The following NIN variants were observed in gnomAD, a reference collection of about 807,000 sequenced individuals.
The protein encoded by NIN is glycogen synthase kinase 3 beta-interacting protein.
NIN carries 137 observed loss-of-function variants against 257.6 expected under a neutral mutation model. That is an observed-to-expected ratio of 0.53 (90% CI 0.46 to 0.61). The LOEUF (loss-of-function observed/expected upper bound fraction) is 0.61, where lower values mean the gene tolerates loss of function less well. Among genes scored for constraint, NIN ranks in the 20% least tolerant of loss-of-function variants. The pLI is 0.00. For missense variants in NIN, 2,439 were observed against 2,501.2 expected, an observed-to-expected ratio of 0.98 and a Z score of 0.53; for synonymous variants, 918 against 919.8, an observed-to-expected ratio of 1.00 and a Z score of 0.04.
chr14:50,727,671 T>C, intron 29 of NIN: 6 of 1,442,170 alleles, frequency 4.2e-6, no homozygotes, highest in Non-Finnish European at 5.6e-6. Context: ...AGAAATGCCA[T>C]CAATAGCAGC....
intron 17 of NIN, 80 bp from the exon 18 acceptor site, chr14:50,758,710 A>C (rs968691266): frequency 1.5e-6 from 2 of 1,333,700 alleles, no homozygotes; most frequent in Admixed American, 5.1e-5. Flanking sequence ...CCATGCACTG[A>C]GAAAGCTGCT....
intron 12 of NIN, among the ~76,000 whole-genome samples, chr14:50,768,052 AACACACACACACACACACACACAC>A (rs61028485): frequency 5.8e-5 from 8 of 139,068 alleles, no homozygotes; most frequent in African/African-American, 1.3e-4. Flanking sequence ...CACATTTGCC[AACACACACACACACACACACACAC>A]ACACACACAC....
chr14:50,748,703 A>G (rs1007749883), intron 21 of NIN, among the ~76,000 whole-genome samples: 4 of 152,252 alleles, frequency 2.6e-5, no homozygotes, highest in African/African-American at 2.4e-5. Flanking sequence ...GTGAACTTCC[A>G]TTCACAATTG....
intron 9 of NIN, 122 bp downstream of exon 9, chr14:50,772,179 G>C (rs951713914): frequency 1.1e-5 from 10 of 929,112 alleles, no homozygotes; most frequent in Non-Finnish European, 1.4e-5. Context: ...TTATCTTTGA[G>C]ACTTTGTGAA....
rs1456806079 is a variant in NIN at position 50,770,443 on chromosome 14, T to C, written c.1379A>G (p.Glu460Gly). 6.2e-7 allele frequency: 1 copy of C among 1,614,232 alleles called. No homozygotes were observed. The highest frequency in any genetic ancestry group is 1.3e-5 in the African/African-American group (1 of 75,050). The change falls in exon 12 of 31, where the codon GAA becomes GGA. Residue 460 changes from glutamate to glycine, a missense_variant. Glu to Gly is a moderately conservative substitution (Grantham distance 98, BLOSUM62 -2). This residue lies in a region of NIN where 2,043 missense variants were observed against 2,050.2 expected (regional missense o/e 1.00). Transcript: ENST00000530997. ...KQRLELEQEI[E>G]KAKTEENYIR... is the part of the protein sequence containing the mutation. ...ATAGTTCTCTTCTGTTTTTGCCTTT[T>C]CAATTTCCTGTTCAAGTTCTAAACG...
At chr14:50,739,549 A>G (rs1286489222) in intron 25 of NIN, 62 bp from the exon 26 acceptor site, 19 of 1,527,936 alleles carry the variant, frequency 1.2e-5, no homozygotes, top group Non-Finnish European at 1.6e-5. Flanking sequence ...CTGTTTTGAG[A>G]CAGGTGTCAT....
intron 17 of NIN, among the ~76,000 whole-genome samples, chr14:50,759,551 T>C (rs993087465): frequency 1.3e-5 from 2 of 151,784 alleles, no homozygotes; most frequent in African/African-American, 2.4e-5. Flanking sequence ...TGGAGTGCAG[T>C]AGCGCGATCT....
At position 50,758,526 on chromosome 14, in the gene NIN, C is replaced by G; in HGVS notation, c.2504G>C (p.Ser835Thr). Residue 835 changes from serine to threonine, a missense_variant, in exon 18 of 31, where the codon AGC (serine) becomes ACC (threonine). By Grantham distance (58) the Ser-to-Thr change is moderately conservative (BLOSUM62 1). Coordinates refer to ENST00000530997, the MANE Select transcript of NIN (RefSeq NM_020921.4). The stretch of plus-strand genomic sequence containing the variant: ...CTCTTGGCGGTAGCGCCCCTCCAGG[C>G]TTTGCAGAGCGCTTTCACACCTCTC... ...VTERCESALQ[S>T]LEGRYRQELK... is the part of the protein sequence containing the mutation. 1 of 1,614,186 alleles carries G rather than the reference C, an allele frequency of 6.2e-7. No homozygotes were observed. The highest frequency in any genetic ancestry group is 2.2e-5 in the East Asian group (1 of 44,882).
chr14:50,766,508 T>C (rs2042494329), intron 13 of NIN, 112 bp from the exon 14 acceptor site: 9 of 942,716 alleles, frequency 9.5e-6, no homozygotes, highest in Admixed American at 7.7e-5. Flanking sequence ...ATGATAGGAA[T>C]GTGACATGTA....
intron 20 of NIN, 77 bp from the exon 21 acceptor site, chr14:50,752,810 C>T: frequency 5.1e-6 from 4 of 778,014 alleles, no homozygotes; most frequent in Non-Finnish European, 8.1e-6. Flanking sequence ...GATTTAGAGA[C>T]ATAATTGTCT....
At chr14:50,725,179 T>A (rs1272897669) in intron 30 of NIN, among the ~76,000 whole-genome samples, 1 of 152,156 alleles carries the variant, frequency 6.6e-6, no homozygotes, top group Non-Finnish European at 1.5e-5. Context: ...TCAGACCCTC[T>A]CTTGGGGTTG....
At position 50,754,768 on chromosome 14, in the gene NIN, T is replaced by G; in HGVS notation, c.4638A>C (p.Thr1546=). ...EDSISNLKLG[T]LNGSQEEMWQ... ...ACATTTCTTCCTGAGATCCATTTAA[T>G]GTCCCTAATTTCAGGTTAGAAATGC... The change falls in exon 19 of 31, where the codon ACA becomes ACC. Residue 1546 remains threonine, a synonymous_variant. Transcript: ENST00000530997. 1 of 1,584,032 alleles carries G rather than the reference T, an allele frequency of 6.3e-7. No homozygotes were observed. Among genetic ancestry groups the G allele is most frequent in the Non-Finnish European group, 8.6e-7 (1 of 1,160,980 alleles).
intron 18 of NIN, 105 bp downstream of exon 18, chr14:50,756,387 C>T (rs1046687280): frequency 4.1e-6 from 5 of 1,221,484 alleles, no homozygotes; most frequent in African/African-American, 3.0e-5. Flanking sequence ...CTGCTCTCTT[C>T]GTGAAGACTA....
chr14:50,730,584 C>T (rs1301686971), intron 28 of NIN, among the ~76,000 whole-genome samples: 2 of 148,006 alleles, frequency 1.4e-5, no homozygotes, highest in Admixed American at 6.9e-5. Flanking sequence ...AGCCACTATC[C>T]ATTTCCTTAT....
At chr14:50,827,213 T>G (rs1016144915) in intron 2 of NIN, among the ~76,000 whole-genome samples, 1 of 152,196 alleles carries the variant, frequency 6.6e-6, no homozygotes, top group East Asian at 1.9e-4. Context: ...AATTCAAGTT[T>G]AGTAAAAGCT....
intron 21 of NIN, among the ~76,000 whole-genome samples, chr14:50,752,111 C>T (rs1177699549): frequency 6.6e-6 from 1 of 151,040 alleles, no homozygotes; most frequent in East Asian, 1.9e-4. Flanking sequence ...TTCTTTACAC[C>T]AGGGTTAAAG....
Position 50,758,335 on chromosome 14 carries a change from T to C in NIN, c.2695A>G (p.Lys899Glu). The change falls in exon 18 of 31, where the codon AAA (lysine) becomes GAA (glutamate). Residue 899 changes from lysine to glutamate, a missense_variant. Physicochemically the swap from Lys to Glu is moderately conservative, Grantham distance 56 (BLOSUM62 1). Transcript: ENST00000530997. ...CTGTTCAAATGTTCTTTGTATGTTT[T>C]CTCCAGCATCTCTCTCTCCTGGGTC... ...VLTQEREMLE[K>E]TYKEHLNSMV... 6.2e-7 allele frequency: 1 copy of C among 1,614,256 alleles called. No homozygotes were observed. The highest frequency in any genetic ancestry group is 8.5e-7 in the Non-Finnish European group (1 of 1,180,042).
In NIN at chr14:50,758,711, G is replaced by A; in HGVS notation, c.2400-81C>T. ...CAAAAACCATTTTCCCATGCACTGA[G>A]AAAGCTGCTGAGCAAACAACTGAAA... On this transcript the variant is annotated intron_variant, in intron 17 of 30. Transcript: ENST00000530997. 2.3e-6 allele frequency: 3 copies of A among 1,317,646 alleles called. No individual in the cohort carries two copies. In the South Asian group the frequency reaches 4.5e-5, roughly 20 times the overall value. The allele number at this position is 1,317,646 out of a possible 1,614,324, so 81.6% of individuals were successfully genotyped here. A position where few individuals can be genotyped will look rare whatever the true frequency, so the allele number is the denominator to read the frequency against.
chr14:50,792,342 TG>T, intron 5 of NIN: 1 of 186,752 alleles, frequency 5.4e-6, no homozygotes, highest in South Asian at 1.2e-4. Flanking sequence ...TTTTATAGTT[TG>T]GGGCAAGGGA....
Sources: gnomAD v4.1 joint callset for allele counts (sites outside exome capture counted in the v4.1 genomes callset) on GRCh38, gnomAD v4.1.1 for gene constraint, gnomAD v4.1.1 regional missense constraint, MANE v1.5 for transcripts, NCBI Gene and HGNC (gene_info 2026-07-23, HGNC 2026-07-21) for gene names.